The following ABCC6 variants were observed in gnomAD, a reference collection of about 807,000 sequenced individuals.
ABCC6 encodes ATP-binding cassette sub-family C member 6.
In ABCC6, 126 loss-of-function variants were observed where a neutral mutation model predicts 169.5. That is an observed-to-expected ratio of 0.74 (90% confidence interval 0.64 to 0.86). ABCC6 has a LOEUF of 0.86. Ranked by LOEUF, ABCC6 falls within the 40% of genes least tolerant of loss-of-function variation. The pLI is 0.00. For synonymous variants in ABCC6, 752 were observed against 814.7 expected (o/e 0.92, Z 1.31); for missense variants, 1,733 against 1,927.2 (o/e 0.90, Z 1.89).
At chr16:16,185,082 C>A in intron 14 of ABCC6, 48 bp from the exon 15 acceptor site, 1 of 1,574,164 alleles carries the variant, frequency 6.4e-7, no homozygotes. Context: ...ACCTGGCCGG[C>A]CTCTGCATCG....
chr16:16,214,451 T>C lies in ABCC6; in HGVS notation c.475-2A>G. ...GCGGACAGGGTCGCTCTGGAAGCCC[T>C]GTGGGAGGGAAAGCAGAAGATAAGG... On this transcript the variant is annotated splice_acceptor_variant, in intron 4 of 30. Coordinates refer to ENST00000205557, the MANE Select transcript of ABCC6 (RefSeq NM_001171.6). LOFTEE classifies it high-confidence loss of function. 1 of 1,551,538 alleles carries C rather than the reference T, an allele frequency of 6.4e-7. No homozygotes were observed. The highest frequency in any genetic ancestry group is 8.7e-7 in the Non-Finnish European group (1 of 1,146,968).
At chr16:16,158,631 G>A (rs866124934) in intron 26 of ABCC6, among the ~76,000 whole-genome samples, 5 of 152,076 alleles carry the variant, frequency 3.3e-5, no homozygotes, top group South Asian at 2.1e-4. Context: ...TTTTGTTACC[G>A]TTGCGTTGCT....
At position 16,149,973 on chromosome 16, in the gene ABCC6, G is replaced by A; in HGVS notation, c.*160C>T. The A allele has an allele frequency of 8.9e-7, 1 of 1,127,448 alleles. No individual in the cohort carries two copies. Among genetic ancestry groups the A allele is most frequent in the Non-Finnish European group, 1.3e-6 (1 of 769,520 alleles). 69.8% of individuals were successfully genotyped at this position (1,127,448 alleles called of 1,614,324 possible). On this transcript the variant is annotated 3_prime_UTR_variant, in exon 31 of 31. Coordinates refer to ENST00000205557, the MANE Select transcript of ABCC6 (RefSeq NM_001171.6). ...TAGGTCCTTCCGGCTCTGATGCTCT[G>A]TGATAATTGGCCACTTTCTCTGCCA... is the stretch of plus-strand genomic sequence containing the variant.
intron 17 of ABCC6, among the ~76,000 whole-genome samples, chr16:16,181,482 C>T (rs535471569): frequency 1.3e-5 from 2 of 152,220 alleles, no homozygotes; most frequent in South Asian, 4.1e-4. Flanking sequence ...GAGGGATGAG[C>T]CCTGGGGACT....
At chr16:16,219,257 G>A (rs56974092) in intron 4 of ABCC6, among the ~76,000 whole-genome samples, 206 of 140,726 alleles carry the variant, frequency 1.5e-3, no homozygotes, top group East Asian at 3.4e-3. Flanking sequence ...GTGTGTGTGC[G>A]TGCATGCATG....
rs368258006 is a variant in ABCC6 at position 16,154,696 on chromosome 16, G to C, written c.4140C>G (p.Leu1380=). 6.2e-7 allele frequency: 1 copy of C among 1,613,426 alleles called. No homozygotes were observed. The highest frequency in any genetic ancestry group is 8.5e-7 in the Non-Finnish European group (1 of 1,179,984). The change falls in exon 29 of 31, where the codon CTC becomes CTG. Residue 1380 remains leucine (L), a synonymous_variant. Transcript: ENST00000205557. The part of the protein sequence containing the change: ...AIWAALETVQ[L]KALVASLPGQ... ...CGGGCAGGCTGGCCACCAAGGCTTTGAGCTGCACCGTCTCCAGGGCTGCCC... is the reference window on the plus strand; with the variant it reads ...CGGGCAGGCTGGCCACCAAGGCTTTCAGCTGCACCGTCTCCAGGGCTGCCC...
chr16:16,159,642 G>T, intron 25 of ABCC6, 59 bp from the exon 26 acceptor site: 2 of 1,518,354 alleles, frequency 1.3e-6, no homozygotes, highest in South Asian at 2.3e-5. Flanking sequence ...GCTTGCAACA[G>T]CCCCCCTGGT....
chr16:16,158,441 G>GATC lies in ABCC6; in HGVS notation c.3736-633_3736-632insGAT, dbSNP rs2046617646. Among the ~76,000 whole-genome samples, 11 of 151,140 alleles carry GATC rather than the reference G, an allele frequency of 7.3e-5. No individual in the cohort carries two copies. In the South Asian group the frequency reaches 2.1e-3, roughly 29 times the overall value. On this transcript the variant is annotated intron_variant, in intron 26 of 30. Coordinates refer to ENST00000205557, the MANE Select transcript of ABCC6 (RefSeq NM_001171.6). Reference sequence around the variant, plus strand: ...CCATCCCACCCATCCATCCATCCATGCATCCATCCATCCATCTCCAATCCC... The same window carrying GATC: ...CCATCCCACCCATCCATCCATCCATGATCCATCCATCCATCCATCTCCAATCCC...
At chr16:16,215,884 G>C (rs1158064619) in intron 4 of ABCC6, among the ~76,000 whole-genome samples, 1 of 152,136 alleles carries the variant, frequency 6.6e-6, no homozygotes, top group Non-Finnish European at 1.5e-5. Flanking sequence ...TATCCTTTCT[G>C]TTACAAATGA....
At position 16,159,593 on chromosome 16, in the gene ABCC6, G is replaced by A. The variant is rs374927491; in HGVS notation, c.3634-10C>T. On this transcript the variant is annotated splice_polypyrimidine_tract_variant and intron_variant, in intron 25 of 30. Coordinates refer to ENST00000205557, the MANE Select transcript of ABCC6 (RefSeq NM_001171.6). ...GCAGTGTCTGGGTCACCTGGTGCAAGAAAGCCTCTCTGGCTGGGTTTGGCA... is the reference window on the plus strand; with the variant it reads ...GCAGTGTCTGGGTCACCTGGTGCAAAAAAGCCTCTCTGGCTGGGTTTGGCA... 9 of 1,613,734 alleles carry A rather than the reference G, an allele frequency of 5.6e-6. No homozygotes were observed. Among genetic ancestry groups the A allele is most frequent in the Non-Finnish European group, 7.6e-6 (9 of 1,179,766 alleles).
At chr16:16,217,924 T>C (rs1189520337) in intron 4 of ABCC6, among the ~76,000 whole-genome samples, 2 of 152,144 alleles carry the variant, frequency 1.3e-5, no homozygotes, top group Non-Finnish European at 2.9e-5. Context: ...ACCTTGTCTC[T>C]ACTAAAAATA....
chr16:16,186,432 G>A (rs1342900946), intron 14 of ABCC6, among the ~76,000 whole-genome samples: 1 of 151,890 alleles, frequency 6.6e-6, no homozygotes, highest in Non-Finnish European at 1.5e-5. Context: ...GGAGGTGAGC[G>A]CAGGGCAGGT....
intron 7 of ABCC6, among the ~76,000 whole-genome samples, chr16:16,207,309 G>A (rs1419463772): frequency 2.6e-5 from 4 of 152,252 alleles, no homozygotes; most frequent in Non-Finnish European, 5.9e-5. Context: ...CACATGACTT[G>A]AGCCAGGCCA....
chr16:16,190,297 A>G lies in ABCC6; in HGVS notation c.1502T>C (p.Ile501Thr). ...TSSILRNSKT[I>T]KFHGWEGAFL... Reference sequence around the variant, plus strand: ...GGCTCCCTCCCAGCCATGGAACTTGATGGTCTTCGAGTTCCTGAGGATAGA... The same window carrying G: ...GGCTCCCTCCCAGCCATGGAACTTGGTGGTCTTCGAGTTCCTGAGGATAGA... Residue 501 changes from isoleucine (I) to threonine (T), a missense_variant, in exon 12 of 31, where the codon ATC becomes ACC. Ile to Thr is a moderately conservative substitution (Grantham distance 89). This residue lies in a region of ABCC6 where 1,601 missense variants were observed against 1,635.5 expected (regional missense o/e 0.98). Coordinates refer to ENST00000205557, the MANE Select transcript of ABCC6 (RefSeq NM_001171.6). The G allele has an allele frequency of 6.2e-7, 1 of 1,614,072 alleles. No individual in the cohort carries two copies. The highest frequency in any genetic ancestry group is 1.1e-5 in the South Asian group (1 of 91,074).
chr16:16,151,454 A>G (rs1009824233), intron 29 of ABCC6, among the ~76,000 whole-genome samples: 1 of 152,224 alleles, frequency 6.6e-6, no homozygotes, highest in Non-Finnish European at 1.5e-5. Flanking sequence ...CACAGCTTTC[A>G]CTTCAGTCAT....
rs758972882 is a variant in ABCC6 at position 16,185,025 on chromosome 16, T to C, written c.1877A>G (p.Lys626Arg). The change falls in exon 15 of 31, where the codon AAG becomes AGG. Residue 626 changes from lysine to arginine, a missense_variant. Lys to Arg is a conservative substitution (Grantham distance 26). Transcript: ENST00000205557. ...GGCACTGTGTATGGTGATGCAATCC[T>C]TCCCGGCAGCTGCAGGGCACAAGAG... is the stretch of plus-strand genomic sequence containing the variant. ...DSSSSGSAAG[K>R]DCITIHSATF... 6.2e-7 allele frequency: 1 copy of C among 1,613,564 alleles called. No homozygotes were observed. Among genetic ancestry groups the C allele is most frequent in the Non-Finnish European group, 8.5e-7 (1 of 1,179,510 alleles).
chr16:16,192,632 T>C (rs2047899827), intron 11 of ABCC6, among the ~76,000 whole-genome samples, 198 bp downstream of exon 11: 1 of 152,056 alleles, frequency 6.6e-6, no homozygotes, highest in Non-Finnish European at 1.5e-5. Context: ...GGCCTGAACA[T>C]TGGAGGGACG....
At chr16:16,185,882 G>C (rs1187937010) in intron 14 of ABCC6, among the ~76,000 whole-genome samples, 1 of 152,204 alleles carries the variant, frequency 6.6e-6, no homozygotes, top group African/African-American at 2.4e-5. Context: ...GACGTAGTTA[G>C]AATTGCCTGA....
intron 14 of ABCC6, among the ~76,000 whole-genome samples, chr16:16,186,122 T>C (rs75992040): frequency 0.043 from 6,554 of 152,192 alleles, 447 homozygotes; most frequent in African/African-American, 0.14. Context: ...GTGGGTGTTT[T>C]CCAGGTACAC....
Sources: gnomAD v4.1 joint callset for allele counts (sites outside exome capture counted in the v4.1 genomes callset) on GRCh38, gnomAD v4.1.1 for gene constraint, gnomAD v4.1.1 regional missense constraint, MANE v1.5 for transcripts, NCBI Gene and HGNC (gene_info 2026-07-23, HGNC 2026-07-21) for gene names.